Variants in AHCYL2 observed in about 807,000 individuals in gnomAD.
The protein encoded by AHCYL2 is S-adenosylhomocysteine hydrolase-like protein 2.
Under a neutral mutation model 81.4 loss-of-function variants are expected in AHCYL2, and 28 were observed. The ratio of observed to expected loss-of-function variants is 0.34; its 90% CI spans 0.25 to 0.47. AHCYL2 has a LOEUF of 0.47. Ranked by LOEUF, AHCYL2 falls within the 20% of genes least tolerant of loss-of-function variation. AHCYL2 has a pLI of 1.00. For synonymous variants in AHCYL2, 272 were observed against 290.2 expected (o/e 0.94, Z 0.64); for missense variants, 551 against 785.1 (o/e 0.70, Z 3.56).
At chr7:129,263,413 A>G (rs1220704695) in intron 1 of AHCYL2, among the ~76,000 whole-genome samples, 2 of 152,230 alleles carry the variant, frequency 1.3e-5, no homozygotes, top group Non-Finnish European at 2.9e-5. Context: ...CAACTGGACC[A>G]GTTGTCTAAT....
intron 1 of AHCYL2, among the ~76,000 whole-genome samples, chr7:129,342,520 C>G (rs1228131279): frequency 2.6e-5 from 4 of 152,134 alleles, no homozygotes; most frequent in African/African-American, 9.7e-5. Context: ...GTAGTAATCT[C>G]CCTTCTGTGT....
Position 129,225,061 on chromosome 7 carries a change from T to C in AHCYL2, c.-16T>C. 1 of 1,578,968 alleles carries C rather than the reference T, an allele frequency of 6.3e-7. No individual in the cohort carries two copies. The highest frequency in any genetic ancestry group is 1.2e-5 in the South Asian group (1 of 86,368). ...AGGAGCTGGAGTCTGAGCCGGTGGT[T>C]GCAGCGGAGGCGGTGATGTCGGTGC... On this transcript the variant is annotated 5_prime_UTR_variant, in exon 1 of 17. Coordinates refer to ENST00000325006, the MANE Select transcript of AHCYL2 (RefSeq NM_015328.4).
chr7:129,320,480 C>G (rs1392024955), intron 1 of AHCYL2, among the ~76,000 whole-genome samples: 1 of 152,126 alleles, frequency 6.6e-6, no homozygotes, highest in Non-Finnish European at 1.5e-5. Context: ...CCATGCATAG[C>G]TAATTTTTGT....
chr7:129,359,235 GAA>G (rs200020655), intron 1 of AHCYL2, among the ~76,000 whole-genome samples: 4 of 151,866 alleles, frequency 2.6e-5, no homozygotes, highest in African/African-American at 9.7e-5. Flanking sequence ...ACATTAAAAA[GAA>G]AAAAAGACAC....
intron 1 of AHCYL2, among the ~76,000 whole-genome samples, chr7:129,274,612 T>C (rs1396525023): frequency 6.6e-6 from 1 of 152,172 alleles, no homozygotes; most frequent in Non-Finnish European, 1.5e-5. Flanking sequence ...TGTAACTTTC[T>C]GGGACTTCAG....
chr7:129,330,470 A>AT (rs34481793), intron 1 of AHCYL2, among the ~76,000 whole-genome samples: 5,065 of 139,132 alleles, frequency 0.036, 130 homozygotes, highest in African/African-American at 0.068. Flanking sequence ...ACTCTGGTAC[A>AT]TTTTTTTTTT....
intron 1 of AHCYL2, among the ~76,000 whole-genome samples, chr7:129,352,385 C>G (rs1228097405): frequency 6.6e-6 from 1 of 152,148 alleles, no homozygotes; most frequent in Non-Finnish European, 1.5e-5. Flanking sequence ...CAAGCTGTCC[C>G]CGGTGTAGAC....
At chr7:129,281,201 C>A (rs910698280) in intron 1 of AHCYL2, among the ~76,000 whole-genome samples, 4 of 152,026 alleles carry the variant, frequency 2.6e-5, no homozygotes, top group Non-Finnish European at 5.9e-5. Context: ...ACCTTCTATT[C>A]TTAGGGTAAA....
intron 3 of AHCYL2, 92 bp downstream of exon 3, chr7:129,389,291 G>T: frequency 1.4e-6 from 2 of 1,473,314 alleles, no homozygotes; most frequent in Non-Finnish European, 1.9e-6. Context: ...GGTAGCTTGT[G>T]AAATTTCTAT....
intron 1 of AHCYL2, among the ~76,000 whole-genome samples, chr7:129,324,079 G>T (rs1341748022): frequency 1.1e-5 from 1 of 93,320 alleles, no homozygotes. Flanking sequence ...GTAGATTTTT[G>T]TAGATGTTGG....
Position 129,426,979 on chromosome 7 carries a change from A to T in AHCYL2, c.1830-60A>T. 1 of 1,563,754 alleles carries T rather than the reference A, an allele frequency of 6.4e-7. No individual in the cohort carries two copies. Among genetic ancestry groups the T allele is most frequent in the East Asian group, 2.2e-5 (1 of 44,592 alleles). ...TGTTACACCTTTAGGCAGGCTCTTC[A>T]TGTCCCAGCATCCCCATTAGCTGAT... On this transcript the variant is annotated intron_variant, in intron 16 of 16. Coordinates refer to ENST00000325006, the MANE Select transcript of AHCYL2 (RefSeq NM_015328.4). This position sits in a 1 kb window ranked among gnomAD's most constrained non-coding sequence, Gnocchi z 4.3.
chr7:129,415,832 C>T (rs1178394918), intron 12 of AHCYL2, among the ~76,000 whole-genome samples: 1 of 151,488 alleles, frequency 6.6e-6, no homozygotes, highest in Non-Finnish European at 1.5e-5. Context: ...GTGGCTTGCA[C>T]CTGTAGTACC....
chr7:129,265,711 T>C (rs1795791746), intron 1 of AHCYL2, among the ~76,000 whole-genome samples: 1 of 152,140 alleles, frequency 6.6e-6, no homozygotes, highest in African/African-American at 2.4e-5. Flanking sequence ...TTAAATGAGA[T>C]AGAAAACCAT....
At chr7:129,383,370 T>C (rs2150893394) in intron 2 of AHCYL2, among the ~76,000 whole-genome samples, 1 of 152,088 alleles carries the variant, frequency 6.6e-6, no homozygotes, top group African/African-American at 2.4e-5. Context: ...GGGTCTCACT[T>C]TGTTGCCTAG....
intron 1 of AHCYL2, among the ~76,000 whole-genome samples, chr7:129,365,182 G>T (rs1439578056): frequency 1.3e-5 from 2 of 152,134 alleles, no homozygotes; most frequent in Admixed American, 1.3e-4. Flanking sequence ...TATAGCCAAA[G>T]AACAATATTA....
At chr7:129,375,971 A>T in intron 1 of AHCYL2, 2 of 1,535,406 alleles carry the variant, frequency 1.3e-6, no homozygotes, top group Non-Finnish European at 1.7e-6. Context: ...TGCTATAGCC[A>T]TTATTGTAAA....
intron 6 of AHCYL2, among the ~76,000 whole-genome samples, chr7:129,401,346 C>T (rs1055223244): frequency 4.0e-5 from 6 of 150,796 alleles, no homozygotes; most frequent in African/African-American, 1.5e-4. Flanking sequence ...AGTGCCCCCC[C>T]CCAAAAAAGC....
chr7:129,303,732 T>C (rs1475771648), intron 1 of AHCYL2, among the ~76,000 whole-genome samples: 1 of 152,206 alleles, frequency 6.6e-6, no homozygotes, highest in East Asian at 1.9e-4. Context: ...TAAGATGCAT[T>C]GTTAGGCTAT....
intron 1 of AHCYL2, among the ~76,000 whole-genome samples, chr7:129,337,384 A>AATTT (rs1344707554): frequency 6.6e-6 from 1 of 151,870 alleles, no homozygotes; most frequent in Admixed American, 6.6e-5. Flanking sequence ...GATAGGCCGT[A>AATTT]ATTTATTTAT....
Sources: gnomAD v4.1 joint callset for allele counts (sites outside exome capture counted in the v4.1 genomes callset) on GRCh38, gnomAD v4.1.1 for gene constraint, Gnocchi (gnomAD v3.1) non-coding constraint, MANE v1.5 for transcripts, NCBI Gene and HGNC (gene_info 2026-07-23, HGNC 2026-07-21) for gene names.